Variants in CCDC171 observed in about 807,000 individuals in gnomAD.
The protein encoded by CCDC171 is coiled-coil domain containing 171, also known as coiled-coil domain-containing protein 171.
Under a neutral mutation model 168.2 loss-of-function variants are expected in CCDC171, and 177 were observed. The ratio of observed to expected loss-of-function variants is 1.05; its 90% CI spans 0.93 to 1.19. CCDC171 has a LOEUF of 1.19. CCDC171 is among the 50% of genes most tolerant of loss of function. The pLI is 0.00. For synonymous variants in CCDC171, 687 were observed against 540.8 expected (o/e 1.27, Z -3.75); for missense variants, 1,991 against 1,539.0 (o/e 1.29, Z -4.91).
intron 6 of CCDC171, among the ~76,000 whole-genome samples, chr9:15,607,154 TA>T (rs2043287764): frequency 6.6e-6 from 1 of 152,222 alleles, no homozygotes; most frequent in South Asian, 2.1e-4. Context: ...GGGATTTATA[TA>T]TACTCAATGC....
chr9:15,972,083 G>A lies in CCDC171; in HGVS notation c.*247G>A. ...TATGTAACATATTTTTAAATGTTAA[G>A]GAATGACACATTTTGGGTAATTTCC... On this transcript the variant is annotated 3_prime_UTR_variant, in exon 26 of 26. Coordinates refer to ENST00000380701, the MANE Select transcript of CCDC171 (RefSeq NM_173550.4). 1 of 454,888 alleles carries A rather than the reference G, an allele frequency of 2.2e-6. No individual in the cohort carries two copies. Among genetic ancestry groups the A allele is most frequent in the Non-Finnish European group, 3.9e-6 (1 of 257,616 alleles). The allele number at this position is 454,888 out of a possible 1,614,324, so 28.2% of individuals were successfully genotyped here. A position where few individuals can be genotyped will look rare whatever the true frequency, so the allele number is the denominator to read the frequency against.
the CCDC171 span, among the ~76,000 whole-genome samples, chr9:16,106,859 CTT>C: frequency 3.3e-5 from 5 of 152,168 alleles, no homozygotes; most frequent in Admixed American, 1.3e-4. Context: ...TCCTGCAAGA[CTT>C]GGGCCAGGTG....
chr9:15,743,450 C>T lies in CCDC171; in HGVS notation c.2050-823C>T, dbSNP rs1041585403. ...GCCTCCCAAACACTGGGATTACAGG[C>T]GTGAGCCATTTTGCCTGTCCCTTCT... On this transcript the variant is annotated intron_variant, in intron 16 of 25. Transcript: ENST00000380701. 5.3e-5 allele frequency among the ~76,000 whole-genome samples: 8 copies of T among 152,038 alleles called. No homozygotes were observed. In the South Asian group the frequency reaches 1.2e-3, roughly 24 times the overall value.
chr9:16,004,752 A>C (rs1832648839), intron 3 of CCDC171, among the ~76,000 whole-genome samples: 1 of 152,160 alleles, frequency 6.6e-6, no homozygotes, highest in African/African-American at 2.4e-5. Flanking sequence ...AAGTTAGCAA[A>C]GGGTCTAAGT....
upstream of CCDC171, among the ~76,000 whole-genome samples, chr9:16,039,915 G>A (rs966295735): frequency 2.6e-5 from 4 of 152,138 alleles, no homozygotes; most frequent in Non-Finnish European, 5.9e-5. Context: ...GAAGGAAGGA[G>A]ATTGGACCGG....
intron 25 of CCDC171, among the ~76,000 whole-genome samples, chr9:15,930,651 CTT>C (rs1826400997): frequency 2.0e-5 from 3 of 151,542 alleles, no homozygotes; most frequent in African/African-American, 7.3e-5. Context: ...AAAAGTAAGA[CTT>C]TATGTTATTT....
At chr9:16,082,683 G>A in the CCDC171 span, among the ~76,000 whole-genome samples, 2 of 152,216 alleles carry the variant, frequency 1.3e-5, no homozygotes, top group Non-Finnish European at 2.9e-5. Flanking sequence ...ACACGCATGC[G>A]TGAGCTTTTT....
chr9:15,822,263 A>T (rs934502312), intron 21 of CCDC171, among the ~76,000 whole-genome samples: 2 of 152,154 alleles, frequency 1.3e-5, no homozygotes, highest in African/African-American at 4.8e-5. Flanking sequence ...CATTCAGGAC[A>T]TAGGCATGGG....
intron 16 of CCDC171, among the ~76,000 whole-genome samples, chr9:15,743,527 A>T (rs1210566980): frequency 6.6e-6 from 1 of 152,142 alleles, no homozygotes; most frequent in Non-Finnish European, 1.5e-5. Context: ...AAGATTTCAT[A>T]GAGAGAGCCA....
At chr9:15,962,991 T>C (rs1356985357) in intron 25 of CCDC171, among the ~76,000 whole-genome samples, 1 of 152,114 alleles carries the variant, frequency 6.6e-6, no homozygotes, top group Non-Finnish European at 1.5e-5. Flanking sequence ...CTTTACATAT[T>C]TACCTCACGT....
At chr9:15,568,525 C>G (rs181106090) in intron 2 of CCDC171, among the ~76,000 whole-genome samples, 1 of 152,190 alleles carries the variant, frequency 6.6e-6, no homozygotes, top group African/African-American at 2.4e-5. Flanking sequence ...CCGCCTTGGC[C>G]TCCCAAAGTG....
Position 15,695,235 on chromosome 9 carries a change from G to T in CCDC171, c.1216G>T (p.Ala406Ser), listed in dbSNP as rs771672077. Residue 406 changes from alanine (A) to serine (S), a missense_variant and splice_region_variant, in exon 11 of 26, where the codon GCT becomes TCT. Coordinates refer to ENST00000380701, the MANE Select transcript of CCDC171 (RefSeq NM_173550.4). ...CSELQEELVM[A>S]KKHQAFLVET... ...GTGTAATTTTTTTCTTAATTAAAAGGCTAAGAAGCACCAGGCCTTCCTAGT... is the reference window on the plus strand; with the variant it reads ...GTGTAATTTTTTTCTTAATTAAAAGTCTAAGAAGCACCAGGCCTTCCTAGT... The T allele has an allele frequency of 2.0e-5, 33 of 1,611,014 alleles. 1 individual carries two copies. Among genetic ancestry groups the T allele is most frequent in the South Asian group, 1.1e-4 (10 of 90,992 alleles).
chr9:16,102,313 G>A, the CCDC171 span, among the ~76,000 whole-genome samples: 3 of 152,080 alleles, frequency 2.0e-5, no homozygotes. Context: ...ATACACACGC[G>A]CTTGCTCTCC....
chr9:15,903,851 A>T (rs141970236), intron 24 of CCDC171, among the ~76,000 whole-genome samples: 6 of 152,326 alleles, frequency 3.9e-5, no homozygotes, highest in African/African-American at 1.4e-4. Context: ...GGAGCTGAAA[A>T]CCATGGCACG....
At position 15,643,637 on chromosome 9, in the gene CCDC171, C is replaced by G. The variant is rs370199461; in HGVS notation, c.823-13490C>G. On this transcript the variant is annotated intron_variant, in intron 7 of 25. Coordinates refer to ENST00000380701, the MANE Select transcript of CCDC171 (RefSeq NM_173550.4). ...CAATGCTTTTAATATATTCACTATA[C>G]TGTGCAACTATTACCACTATCTAAT... is the stretch of plus-strand genomic sequence containing the variant. 7.7e-4 allele frequency among the ~76,000 whole-genome samples: 118 copies of G among 152,270 alleles called. 1 individual carries two copies. The highest frequency in any genetic ancestry group is 2.6e-3 in the African/African-American group (109 of 41,562).
At chr9:16,097,406 C>A in the CCDC171 span, among the ~76,000 whole-genome samples, 2 of 152,268 alleles carry the variant, frequency 1.3e-5, no homozygotes, top group African/African-American at 4.8e-5. Flanking sequence ...TTTTTGAAGG[C>A]CTACTCATTG....
chr9:15,944,836 T>TCTTTCTTCCTTTCTTTC (rs57665767), intron 25 of CCDC171, among the ~76,000 whole-genome samples: 3 of 129,852 alleles, frequency 2.3e-5, no homozygotes, highest in Non-Finnish European at 4.9e-5. Context: ...TTTCTTTCTT[T>TCTTTCTTCCTTTCTTTC]TTTCTTTCTT....
chr9:15,611,117 C>T lies in CCDC171; in HGVS notation c.676-12150C>T, dbSNP rs59770783. Reference sequence around the variant, plus strand: ...TCTGGTCATTTAAAAGTGTGTAGCGCCTCCTTCCTCCTGCTCCTGATCTGG... The same window carrying T: ...TCTGGTCATTTAAAAGTGTGTAGCGTCTCCTTCCTCCTGCTCCTGATCTGG... On this transcript the variant is annotated intron_variant, in intron 6 of 25. Coordinates refer to ENST00000380701, the MANE Select transcript of CCDC171 (RefSeq NM_173550.4). Among the ~76,000 whole-genome samples, 205 of 152,202 alleles carry T rather than the reference C, an allele frequency of 1.3e-3. 1 individual carries two copies. Among genetic ancestry groups the T allele is most frequent in the African/African-American group, 4.8e-3 (200 of 41,544 alleles).
chr9:15,697,042 C>G (rs146767534), intron 11 of CCDC171, among the ~76,000 whole-genome samples: 5 of 152,156 alleles, frequency 3.3e-5, no homozygotes, highest in Non-Finnish European at 7.3e-5. Flanking sequence ...TTGCTGTGTG[C>G]CTTGGGAGGC....
Sources: allele counts gnomAD v4.1 joint callset (sites outside exome capture counted in the v4.1 genomes callset), GRCh38; gene constraint gnomAD v4.1.1; transcripts MANE v1.5; gene names NCBI Gene and HGNC (gene_info 2026-07-23, HGNC 2026-07-21).